LARP4: variants seen among roughly 807,000 people sequenced by gnomAD.
LARP4 encodes la-related protein 4.
A neutral mutation model predicts 92.9 loss-of-function variants in LARP4; 29 were observed. The observed-to-expected ratio is 0.31, with a 90% CI of 0.23 to 0.43. LARP4 has a LOEUF of 0.43. LARP4 is among the 20% of genes least tolerant of loss of function. The probability of loss-of-function intolerance (pLI) is 1.00; values close to 1 mark genes in which losing one functional copy is unlikely to be tolerated. For synonymous variants in LARP4, 279 were observed against 284.1 expected, an observed-to-expected ratio of 0.98 and a Z score of 0.18; for missense variants, 732 against 860.0, an observed-to-expected ratio of 0.85 and a Z score of 1.86.
intron 4 of LARP4, among the ~76,000 whole-genome samples, chr12:50,433,038 T>G (rs1368548472): frequency 6.6e-6 from 1 of 151,790 alleles, no homozygotes; most frequent in Admixed American, 6.6e-5. Flanking sequence ...ATGGGGAAAA[T>G]CAGCTGTATT....
intron 8 of LARP4, among the ~76,000 whole-genome samples, chr12:50,451,153 C>T (rs543542442): frequency 6.6e-6 from 1 of 152,294 alleles, no homozygotes; most frequent in Non-Finnish European, 1.5e-5. Flanking sequence ...ACTATCATCA[C>T]CCTGCTCTCC....
chr12:50,406,596 CA>C (rs1944888194), intron 1 of LARP4, among the ~76,000 whole-genome samples: 1 of 152,150 alleles, frequency 6.6e-6, no homozygotes, highest in African/African-American at 2.4e-5. Context: ...ACCATAGCCT[CA>C]AATTCCTGGG....
At chr12:50,467,772 T>C (rs1424779593) in intron 13 of LARP4, among the ~76,000 whole-genome samples, 3 of 152,196 alleles carry the variant, frequency 2.0e-5, no homozygotes, top group African/African-American at 2.4e-5. Flanking sequence ...CCTCATCTTA[T>C]GATTATTTGG....
chr12:50,440,887 CT>C (rs965808100), intron 7 of LARP4, among the ~76,000 whole-genome samples: 261 of 143,028 alleles, frequency 1.8e-3, no homozygotes, highest in Middle Eastern at 7.3e-3. Flanking sequence ...TGGTTTTATT[CT>C]TTTTTTTTTT....
intron 8 of LARP4, among the ~76,000 whole-genome samples, chr12:50,452,268 C>T (rs976924760): frequency 4.6e-5 from 7 of 151,742 alleles, no homozygotes; most frequent in African/African-American, 1.2e-4. Context: ...GGCTGGAGTG[C>T]GGTGGCACAA....
At chr12:50,439,581 T>C (rs1466970776) in intron 6 of LARP4, among the ~76,000 whole-genome samples, 2 of 152,102 alleles carry the variant, frequency 1.3e-5, no homozygotes, top group Non-Finnish European at 2.9e-5. Flanking sequence ...TTTCACTTTT[T>C]TTTGGTAAAG....
At chr12:50,426,411 C>G (rs562884169) in intron 1 of LARP4, among the ~76,000 whole-genome samples, 44 of 152,304 alleles carry the variant, frequency 2.9e-4, no homozygotes, top group African/African-American at 9.9e-4. Context: ...ACATCACATT[C>G]ATCAATCAAT....
chr12:50,425,100 T>C (rs538477074), intron 1 of LARP4, among the ~76,000 whole-genome samples: 15 of 152,060 alleles, frequency 9.9e-5, no homozygotes, highest in African/African-American at 3.4e-4. Flanking sequence ...TGAGCCAAGA[T>C]TGCACCACTG....
chr12:50,406,311 C>T (rs1944826092), intron 1 of LARP4, among the ~76,000 whole-genome samples: 1 of 150,506 alleles, frequency 6.6e-6, no homozygotes, highest in African/African-American at 2.5e-5. Flanking sequence ...CCACCCCCAC[C>T]CCCAACCTCT....
chr12:50,429,741 T>C (rs907859685), intron 3 of LARP4, among the ~76,000 whole-genome samples: 6 of 152,070 alleles, frequency 3.9e-5, no homozygotes, highest in African/African-American at 1.4e-4. Flanking sequence ...TGGGTTCAAG[T>C]GATACTCCTG....
At chr12:50,438,364 G>C (rs1008930006) in intron 6 of LARP4, among the ~76,000 whole-genome samples, 44 of 152,040 alleles carry the variant, frequency 2.9e-4, no homozygotes, top group African/African-American at 1.1e-3. Context: ...AGGCATGGTG[G>C]TGGGCGCCTG....
chr12:50,469,214 A>T (rs1464262109), intron 13 of LARP4, among the ~76,000 whole-genome samples: 1 of 152,156 alleles, frequency 6.6e-6, no homozygotes, highest in African/African-American at 2.4e-5. Flanking sequence ...TCTTTAAAAA[A>T]ATATTGTGAC....
intron 5 of LARP4, among the ~76,000 whole-genome samples, chr12:50,437,486 C>G (rs1950606204): frequency 6.6e-6 from 1 of 152,098 alleles, no homozygotes; most frequent in African/African-American, 2.4e-5. Context: ...GAAGGCAGTG[C>G]CAAACTTACT....
chr12:50,478,066 T>A lies in LARP4; in HGVS notation c.*2202T>A, dbSNP rs1435000252. The A allele has an allele frequency of 6.6e-6, 1 of 152,532 alleles. No homozygotes were observed. The highest frequency in any genetic ancestry group is 2.4e-5 in the African/African-American group (1 of 41,456). 9.4% of individuals were successfully genotyped at this position (152,532 alleles called of 1,614,324 possible). On this transcript the variant is annotated 3_prime_UTR_variant, in exon 16 of 16. Transcript: ENST00000398473. ...TGTCACAAATGTAGGTCTGTATTAC[T>A]TGTATGCTTGTGTGACTTACTGTTA...
chr12:50,437,166 G>C (rs1384731031), intron 5 of LARP4, among the ~76,000 whole-genome samples: 1 of 152,132 alleles, frequency 6.6e-6, no homozygotes, highest in Admixed American at 6.6e-5. Context: ...ACTATATTTA[G>C]TATAATATTT....
chr12:50,416,186 G>A (rs1261179834), intron 1 of LARP4, among the ~76,000 whole-genome samples: 2 of 152,340 alleles, frequency 1.3e-5, no homozygotes, highest in African/African-American at 4.8e-5. Context: ...GTTCCTAATA[G>A]AGAGTGGCTT....
intron 8 of LARP4, 47 bp from the exon 9 acceptor site, chr12:50,453,413 A>T (rs757336880): frequency 3.6e-6 from 4 of 1,108,804 alleles, no homozygotes; most frequent in Non-Finnish European, 4.0e-6. Context: ...TGTATTTTTT[A>T]AAATATACAC....
At chr12:50,417,628 C>T (rs1274992314) in intron 1 of LARP4, among the ~76,000 whole-genome samples, 9 of 152,196 alleles carry the variant, frequency 5.9e-5, no homozygotes, top group Admixed American at 5.9e-4. Context: ...GTAAAAGCTT[C>T]TAGCAGCCAT....
At chr12:50,432,563 A>G (rs567140049) in intron 4 of LARP4, among the ~76,000 whole-genome samples, 1 of 152,052 alleles carries the variant, frequency 6.6e-6, no homozygotes, top group Non-Finnish European at 1.5e-5. Context: ...CTGCTTGAAA[A>G]TCTGGCAGTG....
Sources: gnomAD v4.1 joint callset for allele counts (sites outside exome capture counted in the v4.1 genomes callset) on GRCh38, gnomAD v4.1.1 for gene constraint, MANE v1.5 for transcripts, NCBI Gene and HGNC (gene_info 2026-07-23, HGNC 2026-07-21) for gene names.